The following DENND1A variants were observed in gnomAD, a reference collection of about 807,000 sequenced individuals.
The protein encoded by DENND1A is DENN domain-containing protein 1A.
Under a neutral mutation model 113.7 loss-of-function variants are expected in DENND1A, and 51 were observed. The observed-to-expected ratio is 0.45, with a 90% confidence interval of 0.36 to 0.57. The LOEUF (loss-of-function observed/expected upper bound fraction) is 0.57. Among genes scored for constraint, DENND1A ranks in the 20% least tolerant of loss-of-function variants. The pLI is 0.00. For synonymous variants in DENND1A, 565 were observed against 570.8 expected, an observed-to-expected ratio of 0.99 and a Z score of 0.14; for missense variants, 1,258 against 1,395.9, an observed-to-expected ratio of 0.90 and a Z score of 1.57.
At chr9:123,451,504 C>T (rs1564513654) in intron 17 of DENND1A, among the ~76,000 whole-genome samples, 1 of 152,118 alleles carries the variant, frequency 6.6e-6, no homozygotes, top group Non-Finnish European at 1.5e-5. Context: ...AATGCATTTC[C>T]TATAGGGCAG....
At chr9:123,690,507 A>C (rs571283876) in intron 5 of DENND1A, among the ~76,000 whole-genome samples, 21 of 152,346 alleles carry the variant, frequency 1.4e-4, no homozygotes, top group African/African-American at 4.6e-4. Flanking sequence ...CTATAGAAGA[A>C]TACTTAACAT....
At position 123,383,701 on chromosome 9, in the gene DENND1A, C is replaced by T. The variant is rs775679517; in HGVS notation, c.1973G>A (p.Arg658His). 1.1e-5 allele frequency: 18 copies of T among 1,614,006 alleles called. No homozygotes were observed. Among genetic ancestry groups the T allele is most frequent in the Middle Eastern group, 1.6e-4 (1 of 6,084 alleles). Residue 658 changes from arginine (R) to histidine (H), a missense_variant, in exon 23 of 24, where the codon CGT becomes CAT. By Grantham distance (29) the Arg-to-His change is conservative (BLOSUM62 0). Around this residue, in one of 2 missense-constraint regions of DENND1A, gnomAD observed 1,159 missense variants for 1,231.7 expected, o/e 0.94. Coordinates refer to ENST00000394215, the MANE Select transcript of DENND1A (RefSeq NM_001352964.2). ...LGQAKSLEDL[R>H]APKDLREQPG... is the part of the protein sequence containing the mutation. ...CTGCTCCCTCAGGTCTTTGGGGGCA[C>T]GAAGGTCCTCTAAGCTCTTGGCCTG...
At chr9:123,926,058 C>T (rs1328182858) in intron 1 of DENND1A, among the ~76,000 whole-genome samples, 9 of 152,232 alleles carry the variant, frequency 5.9e-5, no homozygotes, top group Non-Finnish European at 8.8e-5. Flanking sequence ...ATATTAACCA[C>T]ATTCCAGTCC....
chr9:123,765,638 C>G (rs1466476916), intron 4 of DENND1A, among the ~76,000 whole-genome samples: 1 of 152,316 alleles, frequency 6.6e-6, no homozygotes, highest in South Asian at 2.1e-4. Flanking sequence ...AAGAGAATAG[C>G]TTTTCCATCA....
intron 4 of DENND1A, among the ~76,000 whole-genome samples, chr9:123,767,788 A>T (rs1224186701): frequency 6.6e-6 from 1 of 152,214 alleles, no homozygotes; most frequent in African/African-American, 2.4e-5. Context: ...TCACTTCCTT[A>T]AGCAGTTAAC....
chr9:123,508,273 T>C (rs958808230), intron 13 of DENND1A, among the ~76,000 whole-genome samples: 2 of 152,238 alleles, frequency 1.3e-5, no homozygotes, highest in East Asian at 1.9e-4. Context: ...CCGGACCTGA[T>C]AGGACAGAGT....
chr9:123,921,721 C>T (rs1467814260), intron 1 of DENND1A, among the ~76,000 whole-genome samples: 2 of 152,168 alleles, frequency 1.3e-5, no homozygotes, highest in South Asian at 2.1e-4. Context: ...GACTAAAATG[C>T]CTTATCCCAA....
chr9:123,600,689 G>A (rs2059901851), intron 11 of DENND1A, among the ~76,000 whole-genome samples: 1 of 152,050 alleles, frequency 6.6e-6, no homozygotes, highest in African/African-American at 2.4e-5. Context: ...GCTTAGGCCG[G>A]GTGTGGTGGT....
intron 5 of DENND1A, among the ~76,000 whole-genome samples, chr9:123,700,393 T>A (rs2065814423): frequency 6.6e-6 from 1 of 152,164 alleles, no homozygotes; most frequent in South Asian, 2.1e-4. Context: ...ATTGTATGCA[T>A]GCGTGTGTGT....
intron 13 of DENND1A, chr9:123,485,652 G>GCACACACA (rs2050773470): frequency 6.2e-5 from 1 of 16,160 alleles, no homozygotes; most frequent in Non-Finnish European, 2.4e-4. Flanking sequence ...ACACGCGCGC[G>GCACACACA]CGCGCACACA....
At chr9:123,411,851 C>G (rs562338742) in intron 19 of DENND1A, 22 bp from the exon 20 acceptor site, 8 of 985,840 alleles carry the variant, frequency 8.1e-6, no homozygotes, top group Non-Finnish European at 9.6e-6. Flanking sequence ...TGGAAACTTA[C>G]AACATCAGGA....
At chr9:123,639,789 A>C (rs1470342333) in intron 9 of DENND1A, among the ~76,000 whole-genome samples, 5 of 151,996 alleles carry the variant, frequency 3.3e-5, no homozygotes, top group African/African-American at 4.8e-5. Context: ...AAAAAAAAAA[A>C]AAAAAAAACA....
At chr9:123,456,160 G>A (rs1374248855) in intron 15 of DENND1A, among the ~76,000 whole-genome samples, 1 of 152,094 alleles carries the variant, frequency 6.6e-6, no homozygotes, top group Non-Finnish European at 1.5e-5. Flanking sequence ...GGCCTGCAAT[G>A]TTTATAGGTG....
At chr9:123,839,288 G>C (rs1841488202) in intron 2 of DENND1A, among the ~76,000 whole-genome samples, 1 of 152,184 alleles carries the variant, frequency 6.6e-6, no homozygotes, top group Non-Finnish European at 1.5e-5. Context: ...AAGCCCAGCT[G>C]GTTTTGCTTC....
At chr9:123,735,826 C>T (rs1283627427) in intron 5 of DENND1A, among the ~76,000 whole-genome samples, 1 of 152,112 alleles carries the variant, frequency 6.6e-6, no homozygotes, top group Non-Finnish European at 1.5e-5. Flanking sequence ...TGGTGAAACC[C>T]TGTCTCTTCC....
At chr9:123,798,331 G>A (rs1834080755) in intron 2 of DENND1A, 1 of 152,174 alleles carries the variant, frequency 6.6e-6, no homozygotes, top group Non-Finnish European at 1.5e-5. Context: ...CTGCCATTCA[G>A]ACATATCCTG....
chr9:123,754,903 C>G (rs200363164), intron 5 of DENND1A, among the ~76,000 whole-genome samples: 1 of 152,126 alleles, frequency 6.6e-6, no homozygotes, highest in East Asian at 1.9e-4. Flanking sequence ...TAAATGAATA[C>G]TTTTATCAAA....
intron 11 of DENND1A, 52 bp downstream of exon 11, chr9:123,609,384 A>G: frequency 6.3e-7 from 1 of 1,588,466 alleles, no homozygotes; most frequent in Non-Finnish European, 8.6e-7. Context: ...CCGCCACACA[A>G]TGAAACAAAG....
chr9:123,558,850 A>G (rs1382632614), intron 12 of DENND1A, among the ~76,000 whole-genome samples: 1 of 152,164 alleles, frequency 6.6e-6, no homozygotes, highest in Non-Finnish European at 1.5e-5. Context: ...TTCACTCAGC[A>G]AATATTTATT....
Sources: allele counts gnomAD v4.1 joint callset (sites outside exome capture counted in the v4.1 genomes callset), GRCh38; gene constraint gnomAD v4.1.1; regional missense constraint gnomAD v4.1.1; transcripts MANE v1.5; gene names NCBI Gene and HGNC (gene_info 2026-07-23, HGNC 2026-07-21).